Variants in NOS1AP observed in about 807,000 individuals in gnomAD.
NOS1AP encodes carboxyl-terminal PDZ ligand of neuronal nitric oxide synthase protein.
Under a neutral mutation model 56.2 loss-of-function variants are expected in NOS1AP, and 21 were observed. That is an observed-to-expected ratio of 0.37 (90% CI 0.26 to 0.54). The LOEUF (loss-of-function observed/expected upper bound fraction) is 0.54, where lower values mean the gene tolerates loss of function less well. Among genes scored for constraint, NOS1AP ranks in the 20% least tolerant of loss-of-function variants. The pLI is 0.84. For synonymous variants in NOS1AP, 270 were observed against 274.6 expected, an observed-to-expected ratio of 0.98 and a Z score of 0.17; for missense variants, 522 against 657.8, an observed-to-expected ratio of 0.79 and a Z score of 2.26.
chr1:162,102,742 T>A (rs1245725530), intron 1 of NOS1AP, among the ~76,000 whole-genome samples: 1 of 152,190 alleles, frequency 6.6e-6, no homozygotes, highest in African/African-American at 2.4e-5. Flanking sequence ...TATAGTATTC[T>A]CTGATGGTTG....
At chr1:162,267,585 C>A (rs894608305) in intron 2 of NOS1AP, among the ~76,000 whole-genome samples, 2 of 143,784 alleles carry the variant, frequency 1.4e-5, no homozygotes, top group Non-Finnish European at 3.0e-5. Flanking sequence ...GCAACATAGA[C>A]CCTGTCTCTA....
At chr1:162,313,130 A>G (rs897901803) in intron 4 of NOS1AP, among the ~76,000 whole-genome samples, 1 of 152,190 alleles carries the variant, frequency 6.6e-6, no homozygotes, top group Non-Finnish European at 1.5e-5. Context: ...AAGTCATTTC[A>G]TGCCTCTATG....
chr1:162,178,640 C>T (rs921618455), intron 2 of NOS1AP, among the ~76,000 whole-genome samples: 4 of 152,150 alleles, frequency 2.6e-5, no homozygotes, highest in African/African-American at 9.7e-5. Context: ...TGCGTCATGC[C>T]GTCTCTGGAG....
chr1:162,127,692 G>C (rs914526215), intron 1 of NOS1AP, among the ~76,000 whole-genome samples: 2 of 152,182 alleles, frequency 1.3e-5, no homozygotes, highest in African/African-American at 4.8e-5. Context: ...AAGCAATAGA[G>C]AGACGAAGGT....
chr1:162,366,000 A>G (rs547352567), intron 9 of NOS1AP, among the ~76,000 whole-genome samples: 4 of 152,254 alleles, frequency 2.6e-5, no homozygotes, highest in South Asian at 4.1e-4. Flanking sequence ...ACTCTGCACT[A>G]TGTATTTCAA....
chr1:162,251,857 G>GTTTTTTTT (rs771192069), intron 2 of NOS1AP, among the ~76,000 whole-genome samples: 2 of 100,440 alleles, frequency 2.0e-5, no homozygotes, highest in Non-Finnish European at 3.7e-5. Context: ...CTAGCTAGTT[G>GTTTTTTTT]TTTTTTTTTT....
chr1:162,117,670 G>A (rs1396185774), intron 1 of NOS1AP, among the ~76,000 whole-genome samples: 1 of 152,194 alleles, frequency 6.6e-6, no homozygotes, highest in Non-Finnish European at 1.5e-5. Context: ...TAAAAAGGGG[G>A]GCTGGTGCTC....
At chr1:162,350,591 A>C (rs1657460188) in intron 6 of NOS1AP, among the ~76,000 whole-genome samples, 1 of 152,272 alleles carries the variant, frequency 6.6e-6, no homozygotes, top group African/African-American at 2.4e-5. Context: ...AGCTGCAGAC[A>C]GTCCAACATG....
At chr1:162,332,222 A>C (rs150100432) in intron 4 of NOS1AP, among the ~76,000 whole-genome samples, 20 of 152,256 alleles carry the variant, frequency 1.3e-4, no homozygotes, top group Non-Finnish European at 2.2e-4. Flanking sequence ...CAGGTGTCTC[A>C]GTGACTGTCT....
In NOS1AP at chr1:162,073,481, A is replaced by G. The variant is rs568595931; in HGVS notation, c.105+3199A>G. ...TATTTATTTATTTATTTATTTTGAG[A>G]TGGAGTTTTGCTCTTGTTGCCCAGG... On this transcript the variant is annotated intron_variant, in intron 1 of 9. Coordinates refer to ENST00000361897, the MANE Select transcript of NOS1AP (RefSeq NM_014697.3). 3.9e-5 allele frequency among the ~76,000 whole-genome samples: 6 copies of G among 152,096 alleles called. No individual in the cohort carries two copies. The South Asian group carries it at 1.2e-3, about 32-fold the overall frequency.
chr1:162,331,182 G>A (rs1656754623), intron 4 of NOS1AP, among the ~76,000 whole-genome samples: 1 of 152,022 alleles, frequency 6.6e-6, no homozygotes, highest in Non-Finnish European at 1.5e-5. Flanking sequence ...GAAGGATAGG[G>A]GACTGGAAAC....
At chr1:162,099,901 C>T (rs901507503) in intron 1 of NOS1AP, among the ~76,000 whole-genome samples, 3 of 151,422 alleles carry the variant, frequency 2.0e-5, no homozygotes, top group South Asian at 2.1e-4. Context: ...TTTGTCCTTG[C>T]GATAGTTTGC....
intron 2 of NOS1AP, among the ~76,000 whole-genome samples, chr1:162,210,721 C>T (rs1175854144): frequency 6.6e-6 from 1 of 152,246 alleles, no homozygotes; most frequent in Non-Finnish European, 1.5e-5. Context: ...CATCACCAGG[C>T]TTCTTTGCCT....
intron 2 of NOS1AP, among the ~76,000 whole-genome samples, chr1:162,275,792 C>T (rs1157962748): frequency 2.6e-5 from 4 of 152,176 alleles, no homozygotes; most frequent in African/African-American, 4.8e-5. Flanking sequence ...GGCCCTCCCA[C>T]GCATTTCAGT....
chr1:162,182,988 C>G (rs1002528471), intron 2 of NOS1AP, among the ~76,000 whole-genome samples: 1 of 152,202 alleles, frequency 6.6e-6, no homozygotes, highest in Non-Finnish European at 1.5e-5. Context: ...AATGATTAAT[C>G]TTTTCCAGAA....
intron 2 of NOS1AP, among the ~76,000 whole-genome samples, chr1:162,272,528 G>A (rs1246424136): frequency 2.6e-5 from 4 of 152,150 alleles, no homozygotes; most frequent in Non-Finnish European, 5.9e-5. Flanking sequence ...GAGATGACGC[G>A]AGGAAGAACT....
In NOS1AP at chr1:162,239,952, G is replaced by A. The variant is rs113034156; in HGVS notation, c.178-47392G>A. Among the ~76,000 whole-genome samples the A allele has an allele frequency of 2.5e-3, 377 of 152,320 alleles. 1 individual carries two copies. The highest frequency in any genetic ancestry group is 8.8e-3 in the African/African-American group (365 of 41,572). On this transcript the variant is annotated intron_variant, in intron 2 of 9. Transcript: ENST00000361897. ...CCAACTAATACTTGGGGACACAGAT[G>A]TAGAGGGAAGGTGACTTGCTTCAGT...
At chr1:162,243,969 G>T (rs1653579541) in intron 2 of NOS1AP, among the ~76,000 whole-genome samples, 1 of 152,164 alleles carries the variant, frequency 6.6e-6, no homozygotes, top group Admixed American at 6.5e-5. Flanking sequence ...CCCACTACAA[G>T]GTGACTTACC....
chr1:162,301,892 G>A (rs556559160), intron 4 of NOS1AP, among the ~76,000 whole-genome samples: 1 of 152,350 alleles, frequency 6.6e-6, no homozygotes, highest in African/African-American at 2.4e-5. Flanking sequence ...GCCTTTTAAA[G>A]AGCAGATGCT....
Sources: allele counts gnomAD v4.1 joint callset (sites outside exome capture counted in the v4.1 genomes callset), GRCh38; gene constraint gnomAD v4.1.1; transcripts MANE v1.5; gene names NCBI Gene and HGNC (gene_info 2026-07-23, HGNC 2026-07-21).